The following CAND1 variants were observed in gnomAD, a reference collection of about 807,000 sequenced individuals.
CAND1 encodes the protein cullin-associated NEDD8-dissociated protein 1.
CAND1 carries 7 observed loss-of-function variants against 108.5 expected under a neutral mutation model. The ratio of observed to expected loss-of-function variants is 0.06; its 90% CI spans 0.04 to 0.12. CAND1 has a LOEUF of 0.12. Among genes scored for constraint, CAND1 ranks in the 10% least tolerant of loss-of-function variants. The pLI, the probability that CAND1 is intolerant of heterozygous loss-of-function variation, is 1.00. For missense variants in CAND1, 941 were observed against 1,448.7 expected (o/e 0.65, Z 5.69); for synonymous variants, 534 against 512.0 (o/e 1.04, Z -0.58).
intron 2 of CAND1, among the ~76,000 whole-genome samples, chr12:67,286,594 A>G (rs775522518): frequency 7.3e-6 from 1 of 136,636 alleles, no homozygotes; most frequent in Non-Finnish European, 1.6e-5. Flanking sequence ...ACTTTTTATT[A>G]TCAAGTTCTA....
intron 8 of CAND1, 131 bp downstream of exon 8, chr12:67,302,746 T>C: frequency 1.5e-6 from 1 of 688,584 alleles, no homozygotes; most frequent in Non-Finnish European, 2.5e-6. Flanking sequence ...TTTATATAGT[T>C]AATGCATGTT....
chr12:67,276,463 T>G (rs1152897), intron 1 of CAND1, among the ~76,000 whole-genome samples: 74,433 of 152,004 alleles, frequency 0.49, 19,527 homozygotes, highest in Non-Finnish European at 0.59. Context: ...AACCTATTCA[T>G]TTGGGTAATT....
intron 1 of CAND1, among the ~76,000 whole-genome samples, chr12:67,278,313 A>C (rs1426271113): frequency 6.6e-6 from 1 of 152,012 alleles, no homozygotes; most frequent in East Asian, 1.9e-4. Context: ...ATGTACTACC[A>C]TGCCTGGCTA....
intron 2 of CAND1, among the ~76,000 whole-genome samples, chr12:67,283,211 A>G (rs1399641002): frequency 6.6e-6 from 1 of 152,238 alleles, no homozygotes; most frequent in Admixed American, 6.5e-5. Context: ...CTAATTTGTC[A>G]GCATAGAATT....
intron 1 of CAND1, among the ~76,000 whole-genome samples, chr12:67,273,279 C>T (rs770353463): frequency 1.3e-5 from 2 of 151,952 alleles, no homozygotes; most frequent in Admixed American, 6.6e-5. Flanking sequence ...AACATTTGTA[C>T]CAGTGTATAT....
rs146241712 is a variant in CAND1, at chr12:67,305,552, A to G, written c.1884A>G (p.Thr628=). The G allele has an allele frequency of 6.2e-7, 1 of 1,614,168 alleles. No homozygotes were observed. Among genetic ancestry groups the G allele is most frequent in the Non-Finnish European group, 8.5e-7 (1 of 1,180,018 alleles). Residue 628 remains threonine (T), a synonymous_variant, in exon 10 of 15, where the codon ACA becomes ACG. Transcript: ENST00000545606. This position sits in a 1 kb window ranked among gnomAD's most constrained non-coding sequence, Gnocchi z 4.4. ...RLKNEITRLT[T]VKALTLIAGS... ...AGAATGAAATTACCAGGTTAACTAC[A>G]GTAAAGGCATTGACACTGATTGCTG...
intron 7 of CAND1, among the ~76,000 whole-genome samples, chr12:67,299,599 A>G (rs1006123440): frequency 1.3e-5 from 2 of 152,150 alleles, no homozygotes; most frequent in Non-Finnish European, 2.9e-5. Flanking sequence ...TTGTTTATTC[A>G]TAGTTCATGA....
chr12:67,290,818 G>A (rs2044715636), intron 2 of CAND1, among the ~76,000 whole-genome samples: 1 of 152,156 alleles, frequency 6.6e-6, no homozygotes, highest in Non-Finnish European at 1.5e-5. Flanking sequence ...GAACTGGGCT[G>A]TACAGCAGGA....
At chr12:67,290,174 G>A (rs1436159905) in intron 2 of CAND1, among the ~76,000 whole-genome samples, 1 of 152,094 alleles carries the variant, frequency 6.6e-6, no homozygotes, top group African/African-American at 2.4e-5. Flanking sequence ...ACAAGAACTT[G>A]TTTCCTCATT....
In CAND1 at chr12:67,305,436, A is replaced by C. The variant is rs1417908156; in HGVS notation, c.1768A>C (p.Ile590Leu). Residue 590 changes from isoleucine (I) to leucine (L), a missense_variant, in exon 10 of 15, where the codon ATT becomes CTT. Ile to Leu is a conservative substitution (Grantham distance 5, BLOSUM62 2). Around this residue, in one of 9 missense-constraint regions of CAND1, gnomAD observed 697 missense variants for 942.0 expected, o/e 0.74. Transcript: ENST00000545606. This position sits in a 1 kb window ranked among gnomAD's most constrained non-coding sequence, Gnocchi z 4.4. ...DIDQEVKERA[I>L]SCMGQIICNL... ...TGATCAGGAAGTCAAGGAAAGGGCT[A>C]TTTCCTGTATGGGACAAATTATTTG... is the stretch of plus-strand genomic sequence containing the variant. 2 of 1,613,634 alleles carry C rather than the reference A, an allele frequency of 1.2e-6. No homozygotes were observed. Among genetic ancestry groups the C allele is most frequent in the South Asian group, 1.1e-5 (1 of 91,086 alleles).
chr12:67,311,945 T>C, intron 14 of CAND1, 145 bp downstream of exon 14: 1 of 560,786 alleles, frequency 1.8e-6, no homozygotes, highest in East Asian at 2.9e-5. Flanking sequence ...AATACTGATA[T>C]TTTATAAAAC....
At chr12:67,295,184 T>G in intron 4 of CAND1, 28 bp downstream of exon 4, 1 of 1,582,782 alleles carries the variant, frequency 6.3e-7, no homozygotes. Context: ...TTTCCGTTAC[T>G]CGTAATACAG....
chr12:67,295,741 C>T (rs1487620077), intron 4 of CAND1, among the ~76,000 whole-genome samples: 1 of 152,094 alleles, frequency 6.6e-6, no homozygotes, highest in East Asian at 1.9e-4. Flanking sequence ...GTGGCAAATT[C>T]ATGTCAACTT....
chr12:67,291,744 A>C (rs1203383140), intron 2 of CAND1, among the ~76,000 whole-genome samples: 1 of 152,176 alleles, frequency 6.6e-6, no homozygotes, highest in African/African-American at 2.4e-5. Flanking sequence ...TCAGGTGTGG[A>C]ATTTTCCACC....
chr12:67,300,630 T>C (rs1032383278), intron 7 of CAND1, among the ~76,000 whole-genome samples: 8 of 152,154 alleles, frequency 5.3e-5, no homozygotes, highest in African/African-American at 1.9e-4. Context: ...ATTGTTTTTA[T>C]TTTGTTTATC....
intron 2 of CAND1, among the ~76,000 whole-genome samples, chr12:67,286,379 A>G (rs959143747): frequency 6.6e-6 from 1 of 152,116 alleles, no homozygotes; most frequent in Non-Finnish European, 1.5e-5. Flanking sequence ...GAAAACGCCA[A>G]ATTGTTTCCC....
chr12:67,302,657 G>A (rs748856026), intron 8 of CAND1, 42 bp downstream of exon 8: 14 of 1,530,456 alleles, frequency 9.1e-6, no homozygotes, highest in Non-Finnish European at 8.9e-6. Context: ...GATAGTAAAT[G>A]CAATGCTTTT....
At position 67,306,122 on chromosome 12, in the gene CAND1, A is replaced by G. The variant is rs777786162; in HGVS notation, c.2454A>G (p.Val818=). The change falls in exon 10 of 15, where the codon GTA becomes GTG. Residue 818 remains valine, a synonymous_variant. Coordinates refer to ENST00000545606, the MANE Select transcript of CAND1 (RefSeq NM_018448.5). ...RACPKEGPAV[V]GQFIQDVKNS... is the part of the protein sequence containing the mutation. ...GCCCTAAAGAGGGACCAGCTGTAGT[A>G]GGTCAGTTTATTCAAGATGTCAAGA... 2.5e-6 allele frequency: 4 copies of G among 1,614,046 alleles called. No individual in the cohort carries two copies. Among genetic ancestry groups the G allele is most frequent in the Non-Finnish European group, 3.4e-6 (4 of 1,179,932 alleles).
rs2045000236 is a variant in CAND1 at position 67,315,559 on chromosome 12, G to C, written c.*2729G>C. ...CTGAATGATAATTTTTTTAATGACA[G>C]TCATGTATTTTATTAATGATATCTG... is the stretch of plus-strand genomic sequence containing the variant. On this transcript the variant is annotated 3_prime_UTR_variant, in exon 15 of 15. Transcript: ENST00000545606. 6.6e-6 allele frequency: 1 copy of C among 151,692 alleles called. No homozygotes were observed. 9.4% of individuals were successfully genotyped at this position (151,692 alleles called of 1,614,324 possible). A position where few individuals can be genotyped will look rare whatever the true frequency, so the allele number is the denominator to read the frequency against.
Sources: allele counts gnomAD v4.1 joint callset (sites outside exome capture counted in the v4.1 genomes callset), GRCh38; gene constraint gnomAD v4.1.1; regional missense constraint gnomAD v4.1.1; non-coding constraint Gnocchi (gnomAD v3.1); transcripts MANE v1.5; gene names NCBI Gene and HGNC (gene_info 2026-07-23, HGNC 2026-07-21).